The following SRPK2 variants were observed in gnomAD, a reference collection of about 807,000 sequenced individuals.
SRPK2 encodes the protein SRSF protein kinase 2.
A neutral mutation model predicts 90.8 loss-of-function variants in SRPK2; 21 were observed. The observed-to-expected ratio is 0.23, with a 90% CI of 0.16 to 0.33. The LOEUF is 0.33. Ranked by LOEUF, SRPK2 falls within the 10% of genes least tolerant of loss-of-function variation. SRPK2 has a pLI of 1.00. For missense variants in SRPK2, 620 were observed against 869.0 expected, an observed-to-expected ratio of 0.71 and a Z score of 3.60; for synonymous variants, 288 against 311.1, an observed-to-expected ratio of 0.93 and a Z score of 0.78.
chr7:105,391,187 T>A (rs1256657325), upstream of SRPK2, among the ~76,000 whole-genome samples: 1 of 140,204 alleles, frequency 7.1e-6, no homozygotes, highest in South Asian at 2.2e-4. Flanking sequence ...CTATAAAATT[T>A]ATTTATTTAT....
At chr7:105,241,551 A>C (rs770378905) in intron 2 of SRPK2, among the ~76,000 whole-genome samples, 2 of 152,202 alleles carry the variant, frequency 1.3e-5, no homozygotes, top group African/African-American at 4.8e-5. Flanking sequence ...TCTTTATTAT[A>C]AGGATAAGGA....
intron 3 of SRPK2, among the ~76,000 whole-genome samples, chr7:105,198,558 G>C (rs1260830530): frequency 1.3e-5 from 2 of 152,140 alleles, no homozygotes; most frequent in African/African-American, 2.4e-5. Flanking sequence ...TCTCTCTCCA[G>C]AGGTTAAGGA....
At chr7:105,246,188 T>C (rs1330558272) in intron 2 of SRPK2, among the ~76,000 whole-genome samples, 1 of 152,236 alleles carries the variant, frequency 6.6e-6, no homozygotes, top group East Asian at 1.9e-4. Flanking sequence ...ATGATGTTCA[T>C]TTAAACACAG....
chr7:105,138,879 A>T (rs1803277677), intron 11 of SRPK2, among the ~76,000 whole-genome samples: 1 of 152,234 alleles, frequency 6.6e-6, no homozygotes, highest in African/African-American at 2.4e-5. Flanking sequence ...GTTCTAATTC[A>T]TCTCTCAGAA....
intron 7 of SRPK2, among the ~76,000 whole-genome samples, chr7:105,147,570 A>T (rs1023919307): frequency 2.0e-5 from 3 of 150,558 alleles, no homozygotes; most frequent in Non-Finnish European, 4.4e-5. Flanking sequence ...ACCTGTCTCG[A>T]CCTCCCAAAG....
chr7:105,237,328 T>C (rs987694826), intron 2 of SRPK2, among the ~76,000 whole-genome samples: 11 of 152,252 alleles, frequency 7.2e-5, no homozygotes, highest in Admixed American at 7.2e-4. Flanking sequence ...GCAAGTCTAC[T>C]AATAAAAGAT....
intron 2 of SRPK2, among the ~76,000 whole-genome samples, chr7:105,332,607 T>C (rs1438506424): frequency 2.0e-5 from 3 of 151,726 alleles, no homozygotes; most frequent in South Asian, 4.2e-4. Flanking sequence ...GTACTAAAAA[T>C]ACAAAACTTA....
chr7:105,350,198 T>G (rs1469729133), intron 2 of SRPK2, among the ~76,000 whole-genome samples: 1 of 147,108 alleles, frequency 6.8e-6, no homozygotes, highest in Non-Finnish European at 1.5e-5. Context: ...TGGCTCAATC[T>G]CAGCTCACTG....
intron 2 of SRPK2, among the ~76,000 whole-genome samples, chr7:105,259,412 T>C (rs946603936): frequency 6.6e-6 from 1 of 152,206 alleles, no homozygotes; most frequent in Non-Finnish European, 1.5e-5. Flanking sequence ...AAACATTCCA[T>C]ATTCATGGAT....
At chr7:105,290,197 C>CAA (rs56311004) in intron 2 of SRPK2, among the ~76,000 whole-genome samples, 239 of 133,826 alleles carry the variant, frequency 1.8e-3, no homozygotes, top group Non-Finnish European at 2.8e-3. Flanking sequence ...ACAGGCTCTT[C>CAA]AAAAAAAAAA....
intron 2 of SRPK2, among the ~76,000 whole-genome samples, chr7:105,207,732 G>A (rs1185521670): frequency 2.0e-5 from 3 of 152,158 alleles, no homozygotes; most frequent in African/African-American, 4.8e-5. Flanking sequence ...AAATCTTCAC[G>A]ACCTTAGGTT....
At chr7:105,226,272 T>C (rs1480608752) in intron 2 of SRPK2, among the ~76,000 whole-genome samples, 3 of 151,924 alleles carry the variant, frequency 2.0e-5, no homozygotes, top group Non-Finnish European at 4.4e-5. Context: ...AAACGCACTA[T>C]ATATGTGCTC....
chr7:105,254,157 T>G (rs923819513), intron 2 of SRPK2, among the ~76,000 whole-genome samples: 3 of 152,242 alleles, frequency 2.0e-5, no homozygotes, highest in Non-Finnish European at 4.4e-5. Flanking sequence ...TACAGCTGAT[T>G]GTACTGATCT....
At chr7:105,184,511 A>C (rs986323146) in intron 3 of SRPK2, among the ~76,000 whole-genome samples, 1 of 152,206 alleles carries the variant, frequency 6.6e-6, no homozygotes, top group Middle Eastern at 3.2e-3. Flanking sequence ...GAGGAATGCT[A>C]CAGATTTGAT....
At chr7:105,262,124 A>G (rs1347985549) in intron 2 of SRPK2, among the ~76,000 whole-genome samples, 3 of 152,222 alleles carry the variant, frequency 2.0e-5, no homozygotes, top group African/African-American at 7.2e-5. Flanking sequence ...TAATGTAAGC[A>G]ACCCTCCAGA....
upstream of SRPK2, chr7:105,388,935 C>A: frequency 8.4e-7 from 1 of 1,192,882 alleles, no homozygotes; most frequent in South Asian, 4.0e-5. Context: ...CCGCCGCCGC[C>A]GCCGCCGCTC....
intron 2 of SRPK2, among the ~76,000 whole-genome samples, chr7:105,327,507 T>C (rs1160089872): frequency 1.3e-5 from 2 of 152,290 alleles, no homozygotes; most frequent in East Asian, 3.9e-4. Context: ...ACCTCTCTCC[T>C]CCCTGCCAAG....
intron 8 of SRPK2, 143 bp downstream of exon 8, chr7:105,146,350 T>C: frequency 1.4e-6 from 1 of 723,462 alleles, no homozygotes; most frequent in Non-Finnish European, 2.2e-6. Context: ...ATTTTCCATT[T>C]CAAGGGTGCA....
chr7:105,276,275 C>T (rs1179748369), intron 2 of SRPK2, among the ~76,000 whole-genome samples: 1 of 151,506 alleles, frequency 6.6e-6, no homozygotes, highest in Non-Finnish European at 1.5e-5. Flanking sequence ...GACAGGGTCT[C>T]GCTATGTTGC....
Sources: allele counts gnomAD v4.1 joint callset (sites outside exome capture counted in the v4.1 genomes callset), GRCh38; gene constraint gnomAD v4.1.1; transcripts MANE v1.5; gene names NCBI Gene and HGNC (gene_info 2026-07-23, HGNC 2026-07-21).